ROBO2: variants seen among roughly 807,000 people sequenced by gnomAD.
ROBO2 encodes the protein roundabout homolog 2.
In ROBO2, 53 loss-of-function variants were observed where a neutral mutation model predicts 160.8. That is an observed-to-expected ratio of 0.33 (90% CI 0.26 to 0.41). The LOEUF is 0.41. Ranked by LOEUF, ROBO2 falls within the 10% of genes least tolerant of loss-of-function variation. ROBO2 has a pLI of 1.00. For synonymous variants in ROBO2, 664 were observed against 611.7 expected (o/e 1.09, Z -1.26); for missense variants, 1,577 against 1,722.4 (o/e 0.92, Z 1.49).
rs867703594 is a variant in ROBO2, at chr3:77,291,302, C to T, written c.389-186112C>T. On this transcript the variant is annotated intron_variant, in intron 2 of 25. Coordinates refer to ENST00000461745, the Ensembl canonical transcript of ROBO2. ...CACCCCAGACATAAAGCAAAATTGA[C>T]GGTTAACCGGGAAGGCTGAGGCTAG... Among the ~76,000 whole-genome samples the T allele has an allele frequency of 2.3e-3, 318 of 137,552 alleles. 2 individuals carry two copies. The highest frequency in any genetic ancestry group is 8.2e-3 in the African/African-American group (292 of 35,568). The allele number at this position is 137,552 out of a possible 152,430, so 90.2% of individuals were successfully genotyped here. A position where few individuals can be genotyped will look rare whatever the true frequency, so the allele number is the denominator to read the frequency against.
chr3:76,809,102 A>C (rs2064965733), intron 2 of ROBO2, among the ~76,000 whole-genome samples: 1 of 152,178 alleles, frequency 6.6e-6, no homozygotes, highest in South Asian at 2.1e-4. Flanking sequence ...ATAAATTATC[A>C]TATACTTAGT....
At chr3:76,658,380 A>G (rs1190338457) in intron 2 of ROBO2, among the ~76,000 whole-genome samples, 2 of 152,006 alleles carry the variant, frequency 1.3e-5, no homozygotes, top group South Asian at 2.1e-4. Context: ...ACACATGTGC[A>G]GAACATGCAG....
chr3:77,484,212 A>G (rs2085047243), intron 4 of ROBO2, among the ~76,000 whole-genome samples: 2 of 152,036 alleles, frequency 1.3e-5, no homozygotes, highest in Admixed American at 6.6e-5. Context: ...CTGTGGCCCA[A>G]TCTATACACC....
At chr3:77,017,336 AAGAC>A (rs1266515388) in intron 2 of ROBO2, among the ~76,000 whole-genome samples, 3 of 152,210 alleles carry the variant, frequency 2.0e-5, no homozygotes, top group Admixed American at 2.0e-4. Context: ...CTGTAAAAGA[AAGAC>A]AAAGTAAATA....
intron 20 of ROBO2, among the ~76,000 whole-genome samples, 197 bp downstream of exon 21, chr3:77,602,688 ACCG>A (rs1374063503): frequency 1.9e-4 from 16 of 85,734 alleles, no homozygotes; most frequent in East Asian, 6.7e-4. Context: ...CACCACCACC[ACCG>A]CCGCCGCCAC....
chr3:76,686,435 C>A (rs1308036270), intron 2 of ROBO2, among the ~76,000 whole-genome samples: 1 of 148,488 alleles, frequency 6.7e-6, no homozygotes, highest in African/African-American at 2.6e-5. Flanking sequence ...TCTCATACAC[C>A]AACAATCCTA....
chr3:76,724,926 G>T (rs964718357), intron 2 of ROBO2, among the ~76,000 whole-genome samples: 2 of 152,166 alleles, frequency 1.3e-5, no homozygotes, highest in African/African-American at 4.8e-5. Flanking sequence ...GGCAGAGGGT[G>T]GAGTAATTTG....
chr3:75,909,835 C>G (rs931478248), intron 1 of ROBO2, among the ~76,000 whole-genome samples: 1 of 152,172 alleles, frequency 6.6e-6, no homozygotes, highest in Non-Finnish European at 1.5e-5. Context: ...AGAGAGATGA[C>G]ATTTTATCCC....
chr3:76,746,457 A>AAAAGTG (rs1276242488), intron 2 of ROBO2, among the ~76,000 whole-genome samples: 2 of 152,060 alleles, frequency 1.3e-5, no homozygotes, highest in Non-Finnish European at 2.9e-5. Flanking sequence ...CCAACAGTGT[A>AAAAGTG]AAAGTGTTCC....
At chr3:77,594,493 A>G (rs1171907054) in intron 17 of ROBO2, among the ~76,000 whole-genome samples, 1 of 152,148 alleles carries the variant, frequency 6.6e-6, no homozygotes, top group East Asian at 1.9e-4. Context: ...CCATAGTTAC[A>G]TGGAGGATTC....
rs147640566 is a variant in ROBO2 at position 76,825,692 on chromosome 3, T to C, written c.110-272322T>C. On this transcript the variant is annotated intron_variant, in intron 2 of 26. Coordinates refer to the ROBO2 transcript ENST00000487694. ...GCAGTGTCTGTTTCATAGGATTTCC[T>C]GCGACCATCTCCTCAATGACCCTGT... is the stretch of plus-strand genomic sequence containing the variant. Among the ~76,000 whole-genome samples the C allele has an allele frequency of 4.3e-3, 650 of 150,614 alleles. 7 individuals are homozygous for C. The highest frequency in any genetic ancestry group is 5.8e-3 in the Non-Finnish European group (394 of 67,722).
At chr3:77,597,952 G>A (rs1159819179) in intron 19 of ROBO2, among the ~76,000 whole-genome samples, 3 of 152,210 alleles carry the variant, frequency 2.0e-5, no homozygotes, top group African/African-American at 7.2e-5. Flanking sequence ...AGAGGAGAAT[G>A]CTGGGATCCA....
intron 2 of ROBO2, among the ~76,000 whole-genome samples, chr3:76,059,112 G>A (rs2067972735): frequency 6.6e-6 from 1 of 151,724 alleles, no homozygotes. Flanking sequence ...ATAAACATAC[G>A]TGTGCATGTG....
intron 2 of ROBO2, among the ~76,000 whole-genome samples, chr3:76,368,204 C>T (rs2075927031): frequency 6.6e-6 from 1 of 151,740 alleles, no homozygotes; most frequent in Non-Finnish European, 1.5e-5. Flanking sequence ...TACCTGTTTA[C>T]AACATGTATA....
intron 2 of ROBO2, among the ~76,000 whole-genome samples, chr3:77,232,744 T>G (rs775461278): frequency 2.8e-4 from 42 of 152,166 alleles, no homozygotes; most frequent in Admixed American, 5.9e-4. Context: ...GTCTAACTTG[T>G]ACTTTGGTAA....
chr3:77,605,338 T>C (rs1200557356), intron 20 of ROBO2, among the ~76,000 whole-genome samples: 1 of 152,088 alleles, frequency 6.6e-6, no homozygotes, highest in African/African-American at 2.4e-5. Flanking sequence ...AGCAACAGAC[T>C]GTGGCTTACT....
intron 2 of ROBO2, among the ~76,000 whole-genome samples, chr3:76,049,403 A>ATATATATATATTTTTTTTTTT: frequency 1.9e-5 from 1 of 53,750 alleles, no homozygotes; most frequent in Non-Finnish European, 2.7e-5. Context: ...ATATATATAT[A>ATATATATATATTTTTTTTTTT]TTTTTTTTTT....
chr3:77,319,483 T>A (rs2064433744), intron 2 of ROBO2, among the ~76,000 whole-genome samples: 1 of 152,188 alleles, frequency 6.6e-6, no homozygotes. Flanking sequence ...CAACATTGAA[T>A]ATCTAAGTAG....
rs573475348 is a variant in ROBO2, at chr3:76,266,968, C to T, written c.109+329366C>T. Among the ~76,000 whole-genome samples the T allele has an allele frequency of 1.4e-4, 21 of 152,174 alleles. No individual in the cohort carries two copies. The South Asian group carries it at 2.5e-3, about 18-fold the overall frequency. On this transcript the variant is annotated intron_variant, in intron 2 of 26. Coordinates refer to the ROBO2 transcript ENST00000487694. ...TATTTTAAAAATCCACATGTTCTTT[C>T]GGTACTTAAATTGAAATATTTTTAA... is the stretch of plus-strand genomic sequence containing the variant.
Sources: gnomAD v4.1 joint callset for allele counts (sites outside exome capture counted in the v4.1 genomes callset) on GRCh38, gnomAD v4.1.1 for gene constraint, MANE v1.5 for transcripts, NCBI Gene and HGNC (gene_info 2026-07-23, HGNC 2026-07-21) for gene names.